The following MAP3K7CL variants were observed in gnomAD, a reference collection of about 807,000 sequenced individuals.
The protein encoded by MAP3K7CL is MAP3K7 C-terminal-like protein.
MAP3K7CL carries 16 observed loss-of-function variants against 18.6 expected under a neutral mutation model. That is an observed-to-expected ratio of 0.86 (90% confidence interval 0.58 to 1.31). The LOEUF is 1.31. Ranked by LOEUF, MAP3K7CL falls within the 50% of genes most tolerant of loss-of-function variation. The probability of loss-of-function intolerance (pLI) is 0.00; values close to 1 mark genes in which losing one functional copy is unlikely to be tolerated. For synonymous variants in MAP3K7CL, 65 were observed against 66.8 expected (o/e 0.97, Z 0.13); for missense variants, 163 against 174.4 (o/e 0.93, Z 0.37).
intron 4 of MAP3K7CL, among the ~76,000 whole-genome samples, chr21:29,107,145 G>A (rs886849945): frequency 6.6e-6 from 1 of 151,966 alleles, no homozygotes. Context: ...GTGAATCCCC[G>A]TCTCTACTAA....
chr21:29,155,347 A>C (rs2087375317), intron 3 of MAP3K7CL, among the ~76,000 whole-genome samples: 2 of 152,200 alleles, frequency 1.3e-5, no homozygotes, highest in Non-Finnish European at 2.9e-5. Flanking sequence ...CTGTGTGGGA[A>C]GCTGGGATAG....
intron 4 of MAP3K7CL, among the ~76,000 whole-genome samples, chr21:29,104,251 A>AT (rs369909338): frequency 6.1e-4 from 91 of 149,044 alleles, no homozygotes; most frequent in African/African-American, 1.7e-3. Flanking sequence ...AACAACAGAC[A>AT]TTTTTTTTTT....
chr21:29,086,752 A>G (rs1278469052), intron 1 of MAP3K7CL, among the ~76,000 whole-genome samples: 1 of 152,182 alleles, frequency 6.6e-6, no homozygotes, highest in African/African-American at 2.4e-5. Flanking sequence ...TTCTTCATTA[A>G]TCTTGCAATA....
upstream of MAP3K7CL, among the ~76,000 whole-genome samples, chr21:29,128,504 A>G (rs2086719998): frequency 1.3e-5 from 2 of 151,566 alleles, no homozygotes; most frequent in South Asian, 4.2e-4. Context: ...GGGTTTCACC[A>G]TGTTAGCCAG....
chr21:29,106,740 G>A (rs187428320), intron 4 of MAP3K7CL, among the ~76,000 whole-genome samples: 241 of 152,304 alleles, frequency 1.6e-3, no homozygotes, highest in African/African-American at 5.6e-3. Context: ...TTGTCTCTGC[G>A]TCTCAGACTA....
chr21:29,116,596 A>C (rs1326664574), intron 4 of MAP3K7CL, among the ~76,000 whole-genome samples: 2 of 152,184 alleles, frequency 1.3e-5, no homozygotes, highest in African/African-American at 4.8e-5. Context: ...AATTTTCCTA[A>C]AGTCTTCCTT....
chr21:29,084,273 C>T (rs1195805058), upstream of MAP3K7CL, among the ~76,000 whole-genome samples: 1 of 151,944 alleles, frequency 6.6e-6, no homozygotes, highest in African/African-American at 2.4e-5. Flanking sequence ...ATCTTGAGAC[C>T]TTCTTACATT....
intron 4 of MAP3K7CL, among the ~76,000 whole-genome samples, chr21:29,163,947 G>A (rs1601271076): frequency 6.6e-6 from 1 of 151,612 alleles, no homozygotes; most frequent in South Asian, 2.1e-4. Context: ...ATCCTTCCAC[G>A]TCAGCCGCCC....
At chr21:29,133,514 T>G (rs2086820071) in intron 2 of MAP3K7CL, 100 bp downstream of exon 2, 2 of 776,542 alleles carry the variant, frequency 2.6e-6, no homozygotes, top group Admixed American at 3.1e-5. Flanking sequence ...AGTTGCATGC[T>G]TGCATGACCT....
At chr21:29,085,571 A>G (rs1174902380), upstream of MAP3K7CL, among the ~76,000 whole-genome samples, 4 of 131,686 alleles carry the variant, frequency 3.0e-5, no homozygotes, top group Non-Finnish European at 4.9e-5. Flanking sequence ...AAAAAAAAAA[A>G]GCATTTAAAT....
chr21:29,156,198 A>G (rs1282398684), intron 3 of MAP3K7CL, among the ~76,000 whole-genome samples: 1 of 152,220 alleles, frequency 6.6e-6, no homozygotes, highest in Non-Finnish European at 1.5e-5. Context: ...TTAAGAGTTT[A>G]TTTATCGTAC....
intron 4 of MAP3K7CL, among the ~76,000 whole-genome samples, chr21:29,101,593 A>G (rs899305324): frequency 1.3e-5 from 2 of 152,096 alleles, no homozygotes; most frequent in Admixed American, 1.3e-4. Flanking sequence ...TATTTTTAGT[A>G]GAGACGTGGT....
chr21:29,146,902 AT>A (rs1313613458), intron 2 of MAP3K7CL, among the ~76,000 whole-genome samples: 2 of 152,174 alleles, frequency 1.3e-5, no homozygotes, highest in Non-Finnish European at 2.9e-5. Context: ...GATGCTTTCA[AT>A]GCCTTAGATG....
chr21:29,098,495 A>G (rs144941551), intron 4 of MAP3K7CL, among the ~76,000 whole-genome samples: 1 of 152,320 alleles, frequency 6.6e-6, no homozygotes, highest in East Asian at 1.9e-4. Flanking sequence ...TTCTTGAGAA[A>G]AAAAGGAATG....
intron 1 of MAP3K7CL, among the ~76,000 whole-genome samples, chr21:29,087,679 C>T (rs1362284816): frequency 4.6e-5 from 7 of 150,812 alleles, no homozygotes; most frequent in South Asian, 2.1e-4. Context: ...CTGCAAGCTC[C>T]GCCTCCGGGG....
chr21:29,132,060 G>C (rs1482969345), intron 1 of MAP3K7CL, among the ~76,000 whole-genome samples: 1 of 152,158 alleles, frequency 6.6e-6, no homozygotes, highest in Non-Finnish European at 1.5e-5. Flanking sequence ...TTGGTTTACT[G>C]TCTACATGAG....
At chr21:29,100,083 TAA>T (rs397727880) in intron 4 of MAP3K7CL, among the ~76,000 whole-genome samples, 50 of 122,794 alleles carry the variant, frequency 4.1e-4, no homozygotes, top group Admixed American at 8.5e-4. Context: ...ACTCCGTCTT[TAA>T]AAAAAAAAAA....
intron 4 of MAP3K7CL, among the ~76,000 whole-genome samples, chr21:29,108,547 A>G (rs781483152): frequency 2.0e-5 from 3 of 152,240 alleles, no homozygotes; most frequent in African/African-American, 7.2e-5. Context: ...AAAAAAATAC[A>G]TATTTCCCTG....
intron 4 of MAP3K7CL, among the ~76,000 whole-genome samples, chr21:29,121,268 T>C (rs2832193): frequency 0.47 from 70,680 of 150,492 alleles, 16,981 homozygotes; most frequent in East Asian, 0.67. Flanking sequence ...AGGACATAAA[T>C]GTAGGCAGCT....
Sources: gnomAD v4.1 joint callset for allele counts (sites outside exome capture counted in the v4.1 genomes callset) on GRCh38, gnomAD v4.1.1 for gene constraint, MANE v1.5 for transcripts, NCBI Gene and HGNC (gene_info 2026-07-23, HGNC 2026-07-21) for gene names.